PTPN14: variants seen among roughly 807,000 people sequenced by gnomAD.
The protein encoded by PTPN14 is protein tyrosine phosphatase non-receptor type 14.
In PTPN14, 53 loss-of-function variants were observed where a neutral mutation model predicts 126.8. The observed-to-expected ratio is 0.42, with a 90% CI of 0.34 to 0.53. PTPN14 has a LOEUF of 0.53. Among genes scored for constraint, PTPN14 ranks in the 20% least tolerant of loss-of-function variants. PTPN14 has a pLI of 0.08. For missense variants in PTPN14, 1,257 were observed against 1,552.9 expected, an observed-to-expected ratio of 0.81 and a Z score of 3.20; for synonymous variants, 630 against 599.3, an observed-to-expected ratio of 1.05 and a Z score of -0.75.
intron 1 of PTPN14, among the ~76,000 whole-genome samples, chr1:214,545,021 G>C (rs917002659): frequency 6.6e-6 from 1 of 152,144 alleles, no homozygotes; most frequent in East Asian, 1.9e-4. Context: ...TGTAACAAAG[G>C]AGAAGAGAAT....
At chr1:214,463,904 A>C (rs1019817360) in intron 2 of PTPN14, among the ~76,000 whole-genome samples, 4 of 152,202 alleles carry the variant, frequency 2.6e-5, no homozygotes, top group African/African-American at 9.7e-5. Context: ...TGGATTGCTC[A>C]CAAAAGTCTC....
chr1:214,534,307 A>G (rs1655640142), intron 1 of PTPN14, among the ~76,000 whole-genome samples: 1 of 152,168 alleles, frequency 6.6e-6, no homozygotes, highest in Non-Finnish European at 1.5e-5. Context: ...AGTAAAATAA[A>G]TGTAATTTGT....
intron 1 of PTPN14, among the ~76,000 whole-genome samples, chr1:214,546,479 T>C (rs370906137): frequency 1.3e-5 from 2 of 152,310 alleles, no homozygotes; most frequent in East Asian, 3.9e-4. Context: ...TGTGAGTAAT[T>C]TTTCCCTGTG....
At chr1:214,532,830 A>G in intron 1 of PTPN14, 2 of 914,694 alleles carry the variant, frequency 2.2e-6, no homozygotes, top group South Asian at 2.6e-5. Context: ...AGAACCACAA[A>G]GATGAACTAA....
rs1177528870 is a variant in PTPN14, at chr1:214,549,585, T to G, written c.-155+1598A>C. ...AGCTTCAACCTCATCACCAAACAAT[T>G]AGCTAACTTTATAATACAAGGTCCG... On this transcript the variant is annotated intron_variant, in intron 1 of 18. Transcript: ENST00000366956. 2.0e-5 allele frequency among the ~76,000 whole-genome samples: 3 copies of G among 152,246 alleles called. No individual in the cohort carries two copies. The South Asian group carries it at 6.2e-4, about 32-fold the overall frequency.
chr1:214,543,165 T>C (rs963710085), intron 1 of PTPN14, among the ~76,000 whole-genome samples: 3 of 152,334 alleles, frequency 2.0e-5, no homozygotes, highest in African/African-American at 7.2e-5. Context: ...TTCTATATGA[T>C]ACAAAAGACA....
chr1:214,476,098 G>A (rs1660861003), intron 1 of PTPN14, among the ~76,000 whole-genome samples: 1 of 152,160 alleles, frequency 6.6e-6, no homozygotes, highest in Non-Finnish European at 1.5e-5. Context: ...TTCAGCCCAA[G>A]GAAGCTCTAT....
At chr1:214,436,705 T>G (rs2102615309) in intron 3 of PTPN14, among the ~76,000 whole-genome samples, 1 of 149,874 alleles carries the variant, frequency 6.7e-6, no homozygotes, top group East Asian at 2.0e-4. Flanking sequence ...GAGAATCACT[T>G]GAACCCGGGA....
At chr1:214,372,271 G>C (rs535025058) in intron 16 of PTPN14, 2 of 185,554 alleles carry the variant, frequency 1.1e-5, no homozygotes, top group Non-Finnish European at 2.2e-5. Context: ...CTTTTCAGCT[G>C]ATAAGGATGA....
intron 3 of PTPN14, among the ~76,000 whole-genome samples, chr1:214,427,414 TATA>T (rs1659693451): frequency 6.6e-6 from 1 of 152,182 alleles, no homozygotes; most frequent in Non-Finnish European, 1.5e-5. Context: ...ATTAAATTAG[TATA>T]ATGATTTCTT....
chr1:214,369,343 C>A (rs1658158790), intron 17 of PTPN14, 114 bp downstream of exon 17: 1 of 914,982 alleles, frequency 1.1e-6, no homozygotes, highest in Non-Finnish European at 1.7e-6. Context: ...TATTATAATA[C>A]TTTTGCCACT....
intron 1 of PTPN14, among the ~76,000 whole-genome samples, chr1:214,495,335 T>A (rs905250164): frequency 6.6e-6 from 1 of 152,176 alleles, no homozygotes; most frequent in Non-Finnish European, 1.5e-5. Flanking sequence ...CTGGCCCAGA[T>A]AACAATGCCT....
At chr1:214,453,768 T>C (rs1365469745) in intron 2 of PTPN14, among the ~76,000 whole-genome samples, 1 of 151,966 alleles carries the variant, frequency 6.6e-6, no homozygotes, top group East Asian at 1.9e-4. Flanking sequence ...TGGGAGTCAA[T>C]GAGAAAAAGC....
At chr1:214,452,041 CGA>C (rs1428623468) in intron 2 of PTPN14, 67 bp from the exon 3 acceptor site, 42 of 1,519,954 alleles carry the variant, frequency 2.8e-5, no homozygotes, top group Non-Finnish European at 3.7e-5. Context: ...ACACAAGAAA[CGA>C]GACTCCAGCA....
intron 18 of PTPN14, among the ~76,000 whole-genome samples, chr1:214,358,746 C>CT (rs60944780): frequency 0.74 from 107,564 of 145,384 alleles, 39,871 homozygotes; most frequent in Non-Finnish European, 0.8. Flanking sequence ...CTCATTATTC[C>CT]TTTTTTTTTT....
At chr1:214,464,547 T>C (rs919840930) in intron 2 of PTPN14, 83 bp downstream of exon 2, 24 of 1,517,118 alleles carry the variant, frequency 1.6e-5, no homozygotes, top group Non-Finnish European at 2.1e-5. Flanking sequence ...AAAAAACAGA[T>C]GGCTGGTCCC....
intron 1 of PTPN14, among the ~76,000 whole-genome samples, chr1:214,494,280 T>G (rs1661313021): frequency 6.6e-6 from 1 of 151,960 alleles, no homozygotes; most frequent in African/African-American, 2.4e-5. Flanking sequence ...GGATGGTATC[T>G]CTCGATCTCC....
intron 6 of PTPN14, among the ~76,000 whole-genome samples, chr1:214,402,458 A>C (rs1295148000): frequency 7.1e-6 from 1 of 141,250 alleles, no homozygotes; most frequent in Non-Finnish European, 1.5e-5. Flanking sequence ...AAAAAAAAAA[A>C]AGCCACGATG....
intron 12 of PTPN14, among the ~76,000 whole-genome samples, chr1:214,385,540 C>T (rs1283890382): frequency 6.6e-6 from 1 of 152,050 alleles, no homozygotes; most frequent in Non-Finnish European, 1.5e-5. Flanking sequence ...TTGATTTCTA[C>T]AATCAGGCCC....
Sources: allele counts gnomAD v4.1 joint callset (sites outside exome capture counted in the v4.1 genomes callset), GRCh38; gene constraint gnomAD v4.1.1; transcripts MANE v1.5; gene names NCBI Gene and HGNC (gene_info 2026-07-23, HGNC 2026-07-21).